MACROD2: variants seen among roughly 807,000 people sequenced by gnomAD.
MACROD2 encodes ADP-ribose glycohydrolase MACROD2.
MACROD2 carries 36 observed loss-of-function variants against 70.4 expected under a neutral mutation model. The ratio of observed to expected loss-of-function variants is 0.51; its 90% CI spans 0.39 to 0.68. The LOEUF is 0.68. Among genes scored for constraint, MACROD2 ranks in the 30% least tolerant of loss-of-function variants. MACROD2 has a pLI of 0.00. For synonymous variants in MACROD2, 172 were observed against 178.8 expected (o/e 0.96, Z 0.30); for missense variants, 496 against 538.4 (o/e 0.92, Z 0.78).
intron 8 of MACROD2, among the ~76,000 whole-genome samples, chr20:15,655,276 G>T: frequency 6.6e-6 from 1 of 151,404 alleles, no homozygotes; most frequent in East Asian, 1.9e-4. Flanking sequence ...TTTGAAAATA[G>T]AGATGTTTAG....
chr20:15,626,021 T>C (rs2049197560), intron 8 of MACROD2, among the ~76,000 whole-genome samples: 1 of 149,454 alleles, frequency 6.7e-6, no homozygotes, highest in South Asian at 2.1e-4. Context: ...CTTGGGCGAG[T>C]CACCTTAGTC....
chr20:15,041,801 A>G (rs540993345), intron 5 of MACROD2, among the ~76,000 whole-genome samples: 1 of 152,312 alleles, frequency 6.6e-6, no homozygotes, highest in Admixed American at 6.5e-5. Context: ...GCCATTGAGT[A>G]CTTAATTTCT....
chr20:14,776,175 G>A (rs192560810), intron 5 of MACROD2, among the ~76,000 whole-genome samples: 5 of 152,012 alleles, frequency 3.3e-5, no homozygotes, highest in African/African-American at 7.2e-5. Context: ...GCAAACCATC[G>A]CCCTCTCATA....
intron 8 of MACROD2, 26 bp downstream of exon 8, chr20:15,499,873 A>G (rs757744554): frequency 6.2e-7 from 1 of 1,602,520 alleles, no homozygotes; most frequent in Non-Finnish European, 8.5e-7. Context: ...TAATCAGTGA[A>G]CATCCAAGAT....
chr20:14,126,072 T>C (rs1414056933), intron 3 of MACROD2, among the ~76,000 whole-genome samples: 1 of 152,196 alleles, frequency 6.6e-6, no homozygotes, highest in Non-Finnish European at 1.5e-5. Context: ...CCATGTATTC[T>C]GTTTTAGTTT....
intron 4 of MACROD2, among the ~76,000 whole-genome samples, chr20:14,560,734 T>A (rs1049004027): frequency 6.6e-6 from 1 of 151,898 alleles, no homozygotes; most frequent in Non-Finnish European, 1.5e-5. Flanking sequence ...TACCACTACC[T>A]GTGGACAGTG....
chr20:14,693,805 A>G (rs2071089398), intron 5 of MACROD2, among the ~76,000 whole-genome samples: 1 of 152,154 alleles, frequency 6.6e-6, no homozygotes, highest in Non-Finnish European at 1.5e-5. Flanking sequence ...CTTATACGTG[A>G]TTGTCTAGGA....
intron 5 of MACROD2, among the ~76,000 whole-genome samples, chr20:14,939,873 T>C (rs1319634215): frequency 1.3e-5 from 2 of 151,950 alleles, no homozygotes; most frequent in Non-Finnish European, 2.9e-5. Flanking sequence ...CTATTATAGA[T>C]GGGATTACAT....
chr20:14,179,902 T>C (rs1330054606), intron 3 of MACROD2, among the ~76,000 whole-genome samples: 1 of 152,316 alleles, frequency 6.6e-6, no homozygotes, highest in East Asian at 1.9e-4. Flanking sequence ...TTGTTTTACA[T>C]TTTAAAAAAT....
chr20:15,989,931 T>C (rs2147477029), intron 15 of MACROD2, among the ~76,000 whole-genome samples: 1 of 152,244 alleles, frequency 6.6e-6, no homozygotes, highest in South Asian at 2.1e-4. Flanking sequence ...TCAGGATACA[T>C]CTTCTATGGC....
At chr20:15,490,343 C>T (rs2047216924) in intron 7 of MACROD2, among the ~76,000 whole-genome samples, 2 of 151,854 alleles carry the variant, frequency 1.3e-5, no homozygotes, top group Non-Finnish European at 2.9e-5. Flanking sequence ...GGCTGGAATG[C>T]AGCCTCCAAT....
At chr20:14,021,431 T>G (rs2053078862) in intron 2 of MACROD2, among the ~76,000 whole-genome samples, 1 of 152,182 alleles carries the variant, frequency 6.6e-6, no homozygotes. Flanking sequence ...CTTTTTCACC[T>G]GAGTTTTGTG....
chr20:15,208,164 C>G (rs546001102), intron 5 of MACROD2, among the ~76,000 whole-genome samples: 1 of 152,226 alleles, frequency 6.6e-6, no homozygotes, highest in East Asian at 1.9e-4. Flanking sequence ...GTCCTGTCTT[C>G]AAGTTCACTG....
chr20:15,577,375 T>C (rs944063792), intron 8 of MACROD2, among the ~76,000 whole-genome samples: 13 of 152,186 alleles, frequency 8.5e-5, no homozygotes, highest in African/African-American at 3.1e-4. Context: ...CATCGTATGA[T>C]TTCATTCATA....
chr20:15,282,341 G>A lies in MACROD2; in HGVS notation c.540+52280G>A, dbSNP rs6043170. Among the ~76,000 whole-genome samples the A allele has an allele frequency of 6.5e-3, 985 of 152,194 alleles. 15 individuals are homozygous for A. The highest frequency in any genetic ancestry group is 0.022 in the African/African-American group (917 of 41,520). On this transcript the variant is annotated intron_variant, in intron 6 of 17. Coordinates refer to ENST00000684519, the MANE Select transcript of MACROD2 (RefSeq NM_001351661.2). Reference sequence around the variant, plus strand: ...AGAAAATAGGTTTCTCTTTTTTATCGTATTGTCAGGCTGCAAATTTTTCTA... The same window carrying A: ...AGAAAATAGGTTTCTCTTTTTTATCATATTGTCAGGCTGCAAATTTTTCTA...
At chr20:14,309,628 T>C (rs765988148) in intron 3 of MACROD2, among the ~76,000 whole-genome samples, 6 of 152,182 alleles carry the variant, frequency 3.9e-5, no homozygotes, top group Non-Finnish European at 7.4e-5. Flanking sequence ...TCTATTTTAT[T>C]CCAAATTCAC....
chr20:14,350,242 A>G (rs1431119353), intron 3 of MACROD2, among the ~76,000 whole-genome samples: 1 of 151,972 alleles, frequency 6.6e-6, no homozygotes, highest in Non-Finnish European at 1.5e-5. Flanking sequence ...TGGGTATATA[A>G]CCAGCAGTGG....
intron 10 of MACROD2, among the ~76,000 whole-genome samples, chr20:15,906,108 G>A (rs2065143033): frequency 6.6e-6 from 1 of 152,210 alleles, no homozygotes; most frequent in Admixed American, 6.5e-5. Context: ...GCAGAGGGAA[G>A]GGGAGACTGG....
intron 8 of MACROD2, among the ~76,000 whole-genome samples, chr20:15,833,636 A>G (rs1048612381): frequency 6.6e-6 from 1 of 152,212 alleles, no homozygotes; most frequent in Non-Finnish European, 1.5e-5. Context: ...TGAACATAGC[A>G]AAGAAAGATA....
Sources: gnomAD v4.1 joint callset for allele counts (sites outside exome capture counted in the v4.1 genomes callset) on GRCh38, gnomAD v4.1.1 for gene constraint, MANE v1.5 for transcripts, NCBI Gene and HGNC (gene_info 2026-07-23, HGNC 2026-07-21) for gene names.